GRAMD1C: variants seen among roughly 807,000 people sequenced by gnomAD.
GRAMD1C encodes the protein protein Aster-C.
GRAMD1C carries 89 observed loss-of-function variants against 97.8 expected under a neutral mutation model. The observed-to-expected ratio is 0.91, with a 90% confidence interval of 0.77 to 1.09. The LOEUF (loss-of-function observed/expected upper bound fraction) is 1.09. Among genes scored for constraint, GRAMD1C ranks in the 50% least tolerant of loss-of-function variants. The probability of loss-of-function intolerance (pLI) is 0.00; values close to 1 mark genes in which losing one functional copy is unlikely to be tolerated. For synonymous variants in GRAMD1C, 256 were observed against 267.0 expected (o/e 0.96, Z 0.40); for missense variants, 740 against 766.4 (o/e 0.97, Z 0.41).
chr3:113,828,829 G>A (rs1488785437), intron 1 of GRAMD1C, among the ~76,000 whole-genome samples: 1 of 152,022 alleles, frequency 6.6e-6, no homozygotes, highest in Non-Finnish European at 1.5e-5. Flanking sequence ...ACTCCTGTCA[G>A]CCACCCACTC....
At position 113,838,856 on chromosome 3, in the gene GRAMD1C, G is replaced by A. The variant is rs549655436; in HGVS notation, c.-54G>A. The A allele has an allele frequency of 9.1e-6, 11 of 1,207,670 alleles. No individual in the cohort carries two copies. The South Asian group carries it at 3.3e-4, about 37-fold the overall frequency. 74.8% of individuals were successfully genotyped at this position (1,207,670 alleles called of 1,614,324 possible). On this transcript the variant is annotated 5_prime_UTR_variant, in exon 1 of 18. Coordinates refer to ENST00000358160, the MANE Select transcript of GRAMD1C (RefSeq NM_017577.5). ...CAGCGCGCGCTGGAGGTGGGCGCGG[G>A]GCGGTGCGGTGCGGTGCGCGCGGGG...
intron 10 of GRAMD1C, among the ~76,000 whole-genome samples, chr3:113,924,009 G>A (rs1293124235): frequency 1.3e-5 from 2 of 150,424 alleles, no homozygotes; most frequent in Admixed American, 1.3e-4. Flanking sequence ...AATCTTGGGA[G>A]GTTTTATATT....
chr3:113,941,808 A>G (rs1937797014), intron 17 of GRAMD1C, among the ~76,000 whole-genome samples: 1 of 152,006 alleles, frequency 6.6e-6, no homozygotes, highest in African/African-American at 2.4e-5. Flanking sequence ...TAGTAGAGAC[A>G]GGGTTTCGCC....
intron 1 of GRAMD1C, among the ~76,000 whole-genome samples, chr3:113,828,534 C>A (rs1577104738): frequency 6.6e-6 from 1 of 152,164 alleles, no homozygotes; most frequent in South Asian, 2.1e-4. Flanking sequence ...TGATTGTCTT[C>A]TTTTTTCCTA....
At chr3:113,833,748 T>C (rs922255001) in intron 1 of GRAMD1C, among the ~76,000 whole-genome samples, 1 of 152,224 alleles carries the variant, frequency 6.6e-6, no homozygotes, top group Admixed American at 6.5e-5. Context: ...CAGCTGTTTT[T>C]TCTTAATTAA....
At chr3:113,850,465 A>G in intron 2 of GRAMD1C, 1 of 1,452,836 alleles carries the variant, frequency 6.9e-7, no homozygotes, top group Non-Finnish European at 9.6e-7. Flanking sequence ...GGGTGGCAGC[A>G]CAGTCTCCGG....
intron 8 of GRAMD1C, among the ~76,000 whole-genome samples, chr3:113,907,095 C>T (rs1936399487): frequency 6.6e-6 from 1 of 152,142 alleles, no homozygotes; most frequent in Non-Finnish European, 1.5e-5. Context: ...TCCCTGTCAT[C>T]AAAGCAATGT....
intron 9 of GRAMD1C, among the ~76,000 whole-genome samples, chr3:113,911,569 T>G (rs1228096499): frequency 6.6e-6 from 1 of 151,954 alleles, no homozygotes; most frequent in Non-Finnish European, 1.5e-5. Flanking sequence ...CCACCTTATT[T>G]AACTTAATTA....
chr3:113,834,149 C>G (rs1709600390), upstream of GRAMD1C, among the ~76,000 whole-genome samples: 1 of 152,040 alleles, frequency 6.6e-6, no homozygotes, highest in African/African-American at 2.4e-5. Flanking sequence ...GAAGCTATTG[C>G]CAAATTCGCT....
Position 113,938,086 on chromosome 3 carries a change from G to C in GRAMD1C, c.1634G>C (p.Gly545Ala), listed in dbSNP as rs543195998. ...GCAGCCTTTTTCTTGTGATCTACAG[G>C]AAAGAAAAAGGAAATGGAAAACTAT... is the stretch of plus-strand genomic sequence containing the variant. ...VGLGAKGDITGKKKEMENYNV... is the reference protein window; with the variant it reads ...VGLGAKGDITAKKKEMENYNV... The change falls in exon 15 of 18, where the codon GGA becomes GCA. Residue 545 changes from glycine to alanine, a missense_variant and splice_region_variant. By Grantham distance (60) the Gly-to-Ala change is moderately conservative. Transcript: ENST00000358160. The C allele has an allele frequency of 6.7e-7, 1 of 1,491,340 alleles. No individual in the cohort carries two copies. The highest frequency in any genetic ancestry group is 2.3e-5 in the East Asian group (1 of 43,368). 92.4% of individuals were successfully genotyped at this position (1,491,340 alleles called of 1,614,324 possible). A position where few individuals can be genotyped will look rare whatever the true frequency, so the allele number is the denominator to read the frequency against.
At chr3:113,870,841 G>A (rs1272424163) in intron 3 of GRAMD1C, among the ~76,000 whole-genome samples, 1 of 150,540 alleles carries the variant, frequency 6.6e-6, no homozygotes, top group Non-Finnish European at 1.5e-5. Flanking sequence ...TTTTGGCTGG[G>A]TGCAGTGGCT....
At position 113,885,631 on chromosome 3, in the gene GRAMD1C, C is replaced by G. The variant is rs944133009; in HGVS notation, c.540+2799C>G. The G allele has an allele frequency of 3.3e-6, 5 of 1,498,498 alleles. No individual in the cohort carries two copies. In the East Asian group the frequency reaches 6.8e-5, roughly 20 times the overall value. 92.8% of individuals were successfully genotyped at this position (1,498,498 alleles called of 1,614,324 possible). ...GTCCGGTTTTTTGTACGTAAGAGGCCCCATGTGGATTTCTTCCTGGAAGTG... is the reference window on the plus strand; with the variant it reads ...GTCCGGTTTTTTGTACGTAAGAGGCGCCATGTGGATTTCTTCCTGGAAGTG... On this transcript the variant is annotated intron_variant, in intron 6 of 17. Coordinates refer to ENST00000358160, the MANE Select transcript of GRAMD1C (RefSeq NM_017577.5).
chr3:113,837,974 T>C (rs1047577617), upstream of GRAMD1C, among the ~76,000 whole-genome samples: 2 of 152,196 alleles, frequency 1.3e-5, no homozygotes, highest in Non-Finnish European at 2.9e-5. Flanking sequence ...TAAGGGGTTG[T>C]GGATACCAAG....
At chr3:113,835,757 T>TTTAGA (rs1703204303), upstream of GRAMD1C, among the ~76,000 whole-genome samples, 2 of 152,204 alleles carry the variant, frequency 1.3e-5, no homozygotes, top group African/African-American at 4.8e-5. Context: ...CACATTTTTG[T>TTTAGA]CTGTGTTTAG....
In GRAMD1C at chr3:113,940,363, T is replaced by C; in HGVS notation, c.1908+18T>C. 8.5e-7 allele frequency: 1 copy of C among 1,171,520 alleles called. No homozygotes were observed. The highest frequency in any genetic ancestry group is 1.3e-6 in the Non-Finnish European group (1 of 776,974). 72.6% of individuals were successfully genotyped at this position (1,171,520 alleles called of 1,614,324 possible). A position where few individuals can be genotyped will look rare whatever the true frequency, so the allele number is the denominator to read the frequency against. On this transcript the variant is annotated intron_variant, in intron 17 of 17. Transcript: ENST00000358160. Reference sequence around the variant, plus strand: ...TTGAACAGGTAGGCAACTCGATACATCACAGTACTTAGTATCTTTGTCCCA... The same window carrying C: ...TTGAACAGGTAGGCAACTCGATACACCACAGTACTTAGTATCTTTGTCCCA...
At chr3:113,876,652 C>CT (rs963948983) in intron 5 of GRAMD1C, among the ~76,000 whole-genome samples, 6 of 152,128 alleles carry the variant, frequency 3.9e-5, no homozygotes, top group East Asian at 1.9e-4. Context: ...CCACTGTATT[C>CT]TTTTTTTAAA....
intron 6 of GRAMD1C, among the ~76,000 whole-genome samples, chr3:113,899,086 T>G (rs1936045636): frequency 6.6e-6 from 1 of 152,080 alleles, no homozygotes; most frequent in Non-Finnish European, 1.5e-5. Flanking sequence ...TGGGGAGGAA[T>G]TCAAGGCATC....
intron 6 of GRAMD1C, chr3:113,897,679 A>G: frequency 1.0e-6 from 1 of 982,022 alleles, no homozygotes; most frequent in Non-Finnish European, 1.2e-6. Flanking sequence ...ATGGCAACAT[A>G]CTTAGAATAC....
At chr3:113,937,733 G>A (rs1336659617) in intron 14 of GRAMD1C, among the ~76,000 whole-genome samples, 11 of 152,072 alleles carry the variant, frequency 7.2e-5, no homozygotes, top group Admixed American at 4.6e-4. Context: ...GGCTGGGTGC[G>A]GTGGCTCACG....
Sources: gnomAD v4.1 joint callset for allele counts (sites outside exome capture counted in the v4.1 genomes callset) on GRCh38, gnomAD v4.1.1 for gene constraint, MANE v1.5 for transcripts, NCBI Gene and HGNC (gene_info 2026-07-23, HGNC 2026-07-21) for gene names.